ADGRL1: variants seen among roughly 807,000 people sequenced by gnomAD.
ADGRL1 encodes CIRL-1.
ADGRL1 carries 31 observed loss-of-function variants against 148.9 expected under a neutral mutation model. That is an observed-to-expected ratio of 0.21 (90% CI 0.16 to 0.28). The LOEUF is 0.28. Among genes scored for constraint, ADGRL1 ranks in the 10% least tolerant of loss-of-function variants. ADGRL1 has a pLI of 1.00. For missense variants in ADGRL1, 1,521 were observed against 2,058.8 expected (o/e 0.74, Z 5.05); for synonymous variants, 937 against 900.3 (o/e 1.04, Z -0.73).
intron 2 of ADGRL1, among the ~76,000 whole-genome samples, chr19:14,179,207 A>T (rs1016541904): frequency 5.3e-5 from 8 of 151,402 alleles, no homozygotes; most frequent in African/African-American, 1.9e-4. Flanking sequence ...AAATAAAAAA[A>T]AAATAGGTCA....
rs1969367134 is a variant in ADGRL1 at position 14,161,452 on chromosome 19, G to T, written c.1370C>A (p.Pro457His). ...CGGGGCTGGGGGCCGCCGGGTGCTG[G>T]GGACTGGGGCTGTGGCTGGAGGCAG... ...PDLPPATAPV[P>H]STRRPPAPNL... is the part of the protein sequence containing the mutation. Residue 457 changes from proline to histidine, a missense_variant, in exon 6 of 23, where the codon CCC becomes CAC. Pro to His is a moderately conservative substitution (Grantham distance 77, BLOSUM62 -2). Coordinates refer to ENST00000361434, the MANE Select transcript of ADGRL1 (RefSeq NM_014921.5). This position sits in a 1 kb window ranked among gnomAD's most constrained non-coding sequence, Gnocchi z 4.4. The T allele has an allele frequency of 1.4e-6, 2 of 1,466,730 alleles. No individual in the cohort carries two copies. Among genetic ancestry groups the T allele is most frequent in the African/African-American group, 1.5e-5 (1 of 66,254 alleles). The allele number at this position is 1,466,730 out of a possible 1,614,324, so 90.9% of individuals were successfully genotyped here.
At chr19:14,190,585 A>C (rs979332126) in intron 1 of ADGRL1, among the ~76,000 whole-genome samples, 1 of 152,180 alleles carries the variant, frequency 6.6e-6, no homozygotes, top group Admixed American at 6.5e-5. Context: ...TTTATCTGAA[A>C]GCTGAAAGCT....
At position 14,159,276 on chromosome 19, in the gene ADGRL1, C is replaced by T; in HGVS notation, c.2024-61G>A. The stretch of plus-strand genomic sequence containing the variant: ...GGGGTCTGTTCCCAGTCCAGGGGCT[C>T]AGGCTGCAGAACGAGACTCTGGCAA... On this transcript the variant is annotated intron_variant, in intron 10 of 22. Transcript: ENST00000361434. This position sits in a 1 kb window ranked among gnomAD's most constrained non-coding sequence, Gnocchi z 6.0. 6.3e-7 allele frequency: 1 copy of T among 1,594,282 alleles called. No individual in the cohort carries two copies. The highest frequency in any genetic ancestry group is 8.6e-7 in the Non-Finnish European group (1 of 1,166,818).
At chr19:14,190,481 G>A (rs1971858752) in intron 1 of ADGRL1, among the ~76,000 whole-genome samples, 1 of 152,104 alleles carries the variant, frequency 6.6e-6, no homozygotes, top group Non-Finnish European at 1.5e-5. Flanking sequence ...TGTTCAGGCT[G>A]GCCTTGCACT....
rs1292154931 is a variant in ADGRL1, at chr19:14,162,441, T to C, written c.1195+165A>G. 1.3e-5 allele frequency among the ~76,000 whole-genome samples: 2 copies of C among 152,142 alleles called. No homozygotes were observed. Among genetic ancestry groups the C allele is most frequent in the Non-Finnish European group, 2.9e-5 (2 of 68,032 alleles). On this transcript the variant is annotated intron_variant, in intron 5 of 22. Coordinates refer to ENST00000361434, the MANE Select transcript of ADGRL1 (RefSeq NM_014921.5). The surrounding 1 kb of genome is among the most constrained non-coding windows in gnomAD (Gnocchi z 5.4). The stretch of plus-strand genomic sequence containing the variant: ...GACCGTGAGGAGACGAGTTAATGAC[T>C]GTGAAGTGCTTAGAACAGCGTCTGT...
In ADGRL1 at chr19:14,155,464, G is replaced by A. The variant is rs150295351; in HGVS notation, c.3189C>T (p.Leu1063=). The A allele has an allele frequency of 3.8e-4, 614 of 1,614,118 alleles. 5 individuals are homozygous for A. In the African/African-American group the frequency reaches 7.1e-3, roughly 19 times the overall value. ...CCACCGACTCCTTGTTGATGAAGAG[G>A]AGGCCGAAAGCCCAGGTGAGGCCCA... ...FLLGLTWAFG[L]LFINKESVVM... Residue 1063 remains leucine (L), a synonymous_variant, in exon 18 of 23, where the codon CTC becomes CTT. Transcript: ENST00000361434. This position sits in a 1 kb window ranked among gnomAD's most constrained non-coding sequence, Gnocchi z 5.0.
At chr19:14,203,897 G>C (rs1368469549) in intron 1 of ADGRL1, among the ~76,000 whole-genome samples, 3 of 152,192 alleles carry the variant, frequency 2.0e-5, no homozygotes, top group Non-Finnish European at 4.4e-5. Flanking sequence ...TCCCAGAGCA[G>C]ATGCCACACA....
At chr19:14,174,746 G>A (rs1295586525) in intron 3 of ADGRL1, among the ~76,000 whole-genome samples, 3 of 151,754 alleles carry the variant, frequency 2.0e-5, no homozygotes, top group Non-Finnish European at 2.9e-5. Flanking sequence ...ATGTTGGCCA[G>A]GTTGGTCTCG....
rs192822256 is a variant in ADGRL1 at position 14,147,833 on chromosome 19, T to C, written c.*3040A>G. ...GTTTTTTTCTGAAACGTTCTTGTTG[T>C]TATGAGCCTTTTGTTTTGTTCTCGT... On this transcript the variant is annotated 3_prime_UTR_variant, in exon 23 of 23. Coordinates refer to ENST00000361434, the MANE Select transcript of ADGRL1 (RefSeq NM_014921.5). The C allele has an allele frequency of 1.3e-5, 2 of 152,770 alleles. No individual in the cohort carries two copies. 9.5% of individuals were successfully genotyped at this position (152,770 alleles called of 1,614,324 possible). A position where few individuals can be genotyped will look rare whatever the true frequency, so the allele number is the denominator to read the frequency against.
rs746915984 is a variant in ADGRL1, at chr19:14,150,997, C to T, written c.4286G>A (p.Arg1429Gln). The T allele has an allele frequency of 1.2e-5, 17 of 1,405,284 alleles. No individual in the cohort carries two copies. The highest frequency in any genetic ancestry group is 2.3e-4 in the Middle Eastern group (1 of 4,270). 87.1% of individuals were successfully genotyped at this position (1,405,284 alleles called of 1,614,324 possible). The change falls in exon 23 of 23, where the codon CGG becomes CAG. Residue 1429 changes from arginine (R) to glutamine (Q), a missense_variant. Arg to Gln is a conservative substitution (Grantham distance 43). This residue lies in a region of ADGRL1 where 390 missense variants were observed against 375.0 expected (regional missense o/e 1.04). Coordinates refer to ENST00000361434, the MANE Select transcript of ADGRL1 (RefSeq NM_014921.5). ...YTSRPPALVARNPLQGYYQVR... is the reference protein window; with the variant it reads ...YTSRPPALVAQNPLQGYYQVR... ...CTGGTAGTAGCCCTGCAGGGGATTC[C>T]GGGCCACCAGGGCTGGCGGGCGCGA...
intron 1 of ADGRL1, among the ~76,000 whole-genome samples, chr19:14,188,598 TC>T (rs1268230377): frequency 2.0e-5 from 3 of 152,040 alleles, no homozygotes; most frequent in Non-Finnish European, 2.9e-5. Flanking sequence ...CACCCCTAAA[TC>T]CAGTTCAAGA....
chr19:14,179,350 T>C (rs1261442739), intron 2 of ADGRL1, among the ~76,000 whole-genome samples: 2 of 151,846 alleles, frequency 1.3e-5, no homozygotes, highest in East Asian at 3.9e-4. Context: ...AAAAATTAGC[T>C]GGGCATGGTG....
chr19:14,170,752 C>G lies in ADGRL1; in HGVS notation c.324G>C (p.Ser108=). 6.2e-7 allele frequency: 1 copy of G among 1,612,262 alleles called. No homozygotes were observed. The highest frequency in any genetic ancestry group is 8.5e-7 in the Non-Finnish European group (1 of 1,179,114). Reference sequence around the variant, plus strand: ...CAGGACAGGGGTCAGGAAAGGCATCCGAGCCGGCGACCACCACGCACTGGG... The same window carrying G: ...CAGGACAGGGGTCAGGAAAGGCATCGGAGCCGGCGACCACCACGCACTGGG... The part of the protein sequence containing the change: ...NRTQCVVVAG[S]DAFPDPCPGT... Residue 108 remains serine, a synonymous_variant, in exon 4 of 23, where the codon TCG becomes TCC. Coordinates refer to ENST00000361434, the MANE Select transcript of ADGRL1 (RefSeq NM_014921.5).
intron 3 of ADGRL1, among the ~76,000 whole-genome samples, chr19:14,175,455 C>T (rs1049966841): frequency 6.6e-6 from 1 of 150,998 alleles, no homozygotes; most frequent in Non-Finnish European, 1.5e-5. Context: ...CAGTCAGCCA[C>T]ACCCGCTCAC....
intron 2 of ADGRL1, among the ~76,000 whole-genome samples, chr19:14,179,184 A>G (rs996263048): frequency 2.6e-5 from 4 of 151,372 alleles, no homozygotes; most frequent in Admixed American, 6.6e-5. Context: ...ATTCCATCTC[A>G]AAAATAAATA....
chr19:14,194,203 C>A (rs1192926182), intron 1 of ADGRL1, among the ~76,000 whole-genome samples: 1 of 152,222 alleles, frequency 6.6e-6, no homozygotes. Flanking sequence ...TAGAGCAAGA[C>A]CTCATCTCTG....
At chr19:14,172,147 C>A (rs141148749) in intron 3 of ADGRL1, among the ~76,000 whole-genome samples, 1 of 152,134 alleles carries the variant, frequency 6.6e-6, no homozygotes, top group Non-Finnish European at 1.5e-5. Flanking sequence ...ACTGGCTGGG[C>A]GTGGTGGCTC....
chr19:14,173,170 A>G (rs1002508918), intron 3 of ADGRL1, among the ~76,000 whole-genome samples: 3 of 152,116 alleles, frequency 2.0e-5, no homozygotes. Context: ...CGTGTTGCCT[A>G]GGCTGGTCTC....
intron 1 of ADGRL1, among the ~76,000 whole-genome samples, chr19:14,200,672 G>A (rs1368218807): frequency 6.6e-6 from 1 of 152,130 alleles, no homozygotes; most frequent in Non-Finnish European, 1.5e-5. Context: ...GAATGCAGTG[G>A]CGCGATCACA....
Sources: gnomAD v4.1 joint callset for allele counts (sites outside exome capture counted in the v4.1 genomes callset) on GRCh38, gnomAD v4.1.1 for gene constraint, gnomAD v4.1.1 regional missense constraint, Gnocchi (gnomAD v3.1) non-coding constraint, MANE v1.5 for transcripts, NCBI Gene and HGNC (gene_info 2026-07-23, HGNC 2026-07-21) for gene names.